The following SPPL2A variants were observed in gnomAD, a reference collection of about 807,000 sequenced individuals.
The protein encoded by SPPL2A is signal peptide peptidase-like 2A.
SPPL2A carries 51 observed loss-of-function variants against 63.8 expected under a neutral mutation model. That is an observed-to-expected ratio of 0.80 (90% confidence interval 0.64 to 1.01). SPPL2A has a LOEUF of 1.01. SPPL2A is among the 50% of genes least tolerant of loss of function. The pLI is 0.00. For synonymous variants in SPPL2A, 188 were observed against 205.8 expected (o/e 0.91, Z 0.74); for missense variants, 553 against 622.7 (o/e 0.89, Z 1.19).
At chr15:50,712,676 C>CT (rs2062568729) in intron 14 of SPPL2A, among the ~76,000 whole-genome samples, 1 of 134,826 alleles carries the variant, frequency 7.4e-6, no homozygotes, top group Non-Finnish European at 1.6e-5. Flanking sequence ...TCCCTCCCCC[C>CT]CCCTTTTTTT....
At chr15:50,733,999 C>A (rs1489608571) in intron 8 of SPPL2A, among the ~76,000 whole-genome samples, 1 of 151,986 alleles carries the variant, frequency 6.6e-6, no homozygotes, top group Non-Finnish European at 1.5e-5. Context: ...TCCCAGAATG[C>A]TGGCAAGGAT....
At chr15:50,730,901 G>C (rs1045806615) in intron 10 of SPPL2A, 64 bp downstream of exon 10, 14 of 711,996 alleles carry the variant, frequency 2.0e-5, no homozygotes, top group Middle Eastern at 2.4e-4. Flanking sequence ...AATAATCTAG[G>C]AGCAGATTTA....
Position 50,747,361 on chromosome 15 carries a change from A to G in SPPL2A, c.584+134T>C, listed in dbSNP as rs142247551. On this transcript the variant is annotated intron_variant, in intron 5 of 14. Transcript: ENST00000261854. ...GAAAATGTAAATGATCTACATGAGG[A>G]CAAACCTGCAGACTGGGCTTACTGG... 1.7e-3 allele frequency: 1,256 copies of G among 719,646 alleles called. 19 individuals carry two copies. The African/African-American group carries it at 0.02, about 12-fold the overall frequency. 44.6% of individuals were successfully genotyped at this position (719,646 alleles called of 1,614,324 possible).
At chr15:50,725,107 T>C in intron 12 of SPPL2A, 114 bp downstream of exon 12, 1 of 728,484 alleles carries the variant, frequency 1.4e-6, no homozygotes, top group Non-Finnish European at 2.4e-6. Context: ...TCAGCTCTAG[T>C]GACAGCCAGA....
At chr15:50,742,398 A>C (rs1364303606) in intron 5 of SPPL2A, among the ~76,000 whole-genome samples, 1 of 152,106 alleles carries the variant, frequency 6.6e-6, no homozygotes, top group Non-Finnish European at 1.5e-5. Flanking sequence ...CTCCAAAAAA[A>C]AAAAAGATTT....
In SPPL2A at chr15:50,749,677, T is replaced by C; in HGVS notation, c.136A>G (p.Asn46Asp). The change falls in exon 2 of 15, where the codon AAC becomes GAC. Residue 46 changes from asparagine to aspartate, a missense_variant. By Grantham distance (23) the Asn-to-Asp change is conservative. Coordinates refer to ENST00000261854, the MANE Select transcript of SPPL2A (RefSeq NM_032802.4). ...CTTGGAAGAGCTGTCCAATAAGGGT[T>C]ATAAAGCATGCAGTAGTCCTTGGTT... is the stretch of plus-strand genomic sequence containing the variant. ...GTTKDYCMLY[N>D]PYWTALPSTL... 1 of 1,613,016 alleles carries C rather than the reference T, an allele frequency of 6.2e-7. No individual in the cohort carries two copies. Among genetic ancestry groups the C allele is most frequent in the Non-Finnish European group, 8.5e-7 (1 of 1,178,988 alleles).
chr15:50,729,923 TTGAGCC>T (rs2062717645), intron 10 of SPPL2A, among the ~76,000 whole-genome samples: 1 of 151,216 alleles, frequency 6.6e-6, no homozygotes, highest in Non-Finnish European at 1.5e-5. Context: ...ACTCCTGGGC[TTGAGCC>T]CAGGAGTTTG....
intron 1 of SPPL2A, among the ~76,000 whole-genome samples, chr15:50,762,445 G>A (rs1021119317): frequency 6.6e-6 from 1 of 151,918 alleles, no homozygotes; most frequent in Non-Finnish European, 1.5e-5. Context: ...TACCTGCTAG[G>A]CGCTCATTTA....
chr15:50,748,971 C>T (rs189615054), intron 2 of SPPL2A, 101 bp from the exon 3 acceptor site: 4 of 639,282 alleles, frequency 6.3e-6, no homozygotes, highest in South Asian at 2.9e-5. Flanking sequence ...TGGTTTAAGA[C>T]AATATCTTTT....
chr15:50,702,316 A>C lies in SPPL2A; in HGVS notation c.*5484T>G, dbSNP rs1292607689. 2 of 152,324 alleles carry C rather than the reference A, an allele frequency of 1.3e-5. No individual in the cohort carries two copies. The highest frequency in any genetic ancestry group is 2.1e-4 in the South Asian group (1 of 4,830). 9.4% of individuals were successfully genotyped at this position (152,324 alleles called of 1,614,324 possible). A position where few individuals can be genotyped will look rare whatever the true frequency, so the allele number is the denominator to read the frequency against. On this transcript the variant is annotated 3_prime_UTR_variant, in exon 15 of 15. Coordinates refer to ENST00000261854, the MANE Select transcript of SPPL2A (RefSeq NM_032802.4). The stretch of plus-strand genomic sequence containing the variant: ...AATACCATAGTATATTAAATACATA[A>C]AAAATTGTTTTTCTTGTCAGTATTG...
intron 1 of SPPL2A, among the ~76,000 whole-genome samples, chr15:50,754,714 T>C (rs752917309): frequency 1.3e-5 from 2 of 152,164 alleles, no homozygotes; most frequent in Admixed American, 6.5e-5. Flanking sequence ...AAAACGCAAA[T>C]TGGCCAGGCA....
chr15:50,704,020 A>AT lies in SPPL2A; in HGVS notation c.*3779dup, dbSNP rs1216501847. 1 of 152,080 alleles carries AT rather than the reference A, an allele frequency of 6.6e-6. No homozygotes were observed. The highest frequency in any genetic ancestry group is 2.4e-5 in the African/African-American group (1 of 41,400). 9.4% of individuals were successfully genotyped at this position (152,080 alleles called of 1,614,324 possible). A position where few individuals can be genotyped will look rare whatever the true frequency, so the allele number is the denominator to read the frequency against. On this transcript the variant is annotated 3_prime_UTR_variant, in exon 15 of 15. Coordinates refer to ENST00000261854, the MANE Select transcript of SPPL2A (RefSeq NM_032802.4). Reference sequence around the variant, plus strand: ...TCTTTAAAAGAGAAATAAATTGCAGATTCTACTAAGGAATTGCTAATCTAA... The same window carrying AT: ...TCTTTAAAAGAGAAATAAATTGCAGATTTCTACTAAGGAATTGCTAATCTAA...
rs1289136361 is a variant in SPPL2A at position 50,705,428 on chromosome 15, C to T, written c.*2372G>A. On this transcript the variant is annotated 3_prime_UTR_variant, in exon 15 of 15. Transcript: ENST00000261854. ...CATTCTTCATAAAATGTGATTAAGGCTATTAAATATAAAGCTTGGATGAGG... is the reference window on the plus strand; with the variant it reads ...CATTCTTCATAAAATGTGATTAAGGTTATTAAATATAAAGCTTGGATGAGG... 1.3e-5 allele frequency: 2 copies of T among 151,644 alleles called. No homozygotes were observed. The highest frequency in any genetic ancestry group is 4.8e-5 in the African/African-American group (2 of 41,268). The allele number at this position is 151,644 out of a possible 1,614,324, so 9.4% of individuals were successfully genotyped here.
intron 14 of SPPL2A, among the ~76,000 whole-genome samples, chr15:50,710,401 T>A (rs1318943752): frequency 6.6e-6 from 1 of 152,172 alleles, no homozygotes; most frequent in Non-Finnish European, 1.5e-5. Context: ...ACTTTCAAAG[T>A]CAACTTATTG....
chr15:50,708,692 G>A (rs2062532636), intron 14 of SPPL2A, among the ~76,000 whole-genome samples: 1 of 133,232 alleles, frequency 7.5e-6, no homozygotes, highest in East Asian at 2.2e-4. Flanking sequence ...GCAACAGAGT[G>A]AGACTCTGTC....
intron 2 of SPPL2A, 61 bp from the exon 3 acceptor site, chr15:50,748,931 G>A: frequency 9.5e-7 from 1 of 1,048,058 alleles, no homozygotes; most frequent in Non-Finnish European, 1.4e-6. Context: ...AATGCATTCA[G>A]TTATAAATAC....
At chr15:50,731,920 T>C (rs2062734060) in intron 9 of SPPL2A, among the ~76,000 whole-genome samples, 1 of 31,542 alleles carries the variant, frequency 3.2e-5, no homozygotes, top group African/African-American at 1.1e-4. Context: ...TGAATGAGAC[T>C]CCATCTCAAA....
In SPPL2A at chr15:50,747,432, T is replaced by C. The variant is rs559505418; in HGVS notation, c.584+63A>G. ...TAAATTTTTAAATGTTGTTATATAATTAAAATGATTGCAGAAATTTTTAAC... is the reference window on the plus strand; with the variant it reads ...TAAATTTTTAAATGTTGTTATATAACTAAAATGATTGCAGAAATTTTTAAC... On this transcript the variant is annotated intron_variant, in intron 5 of 14. Transcript: ENST00000261854. 72 of 1,396,816 alleles carry C rather than the reference T, an allele frequency of 5.2e-5. No homozygotes were observed. The African/African-American group carries it at 8.1e-4, about 16-fold the overall frequency. 86.5% of individuals were successfully genotyped at this position (1,396,816 alleles called of 1,614,324 possible).
chr15:50,748,729 C>T lies in SPPL2A; in HGVS notation c.319G>A (p.Gly107Arg). The stretch of plus-strand genomic sequence containing the variant: ...ACAACTAACATTGCTTCAGCACCTC[C>T]TTTCTGTGCAATTCTGGCTTTTTCA... ...FLEKARIAQK[G>R]GAEAMLVVNN... The change falls in exon 3 of 15, where the codon GGA becomes AGA. Residue 107 changes from glycine (G) to arginine (R), a missense_variant. By Grantham distance (125) the Gly-to-Arg change is moderately radical. Coordinates refer to ENST00000261854, the MANE Select transcript of SPPL2A (RefSeq NM_032802.4). 1 of 1,611,212 alleles carries T rather than the reference C, an allele frequency of 6.2e-7. No individual in the cohort carries two copies. Among genetic ancestry groups the T allele is most frequent in the African/African-American group, 1.3e-5 (1 of 74,828 alleles).
Sources: allele counts gnomAD v4.1 joint callset (sites outside exome capture counted in the v4.1 genomes callset), GRCh38; gene constraint gnomAD v4.1.1; transcripts MANE v1.5; gene names NCBI Gene and HGNC (gene_info 2026-07-23, HGNC 2026-07-21).